The following DNAAF11 variants were observed in gnomAD, a reference collection of about 807,000 sequenced individuals.
The protein encoded by DNAAF11 is dynein axonemal assembly factor 11.
DNAAF11 carries 45 observed loss-of-function variants against 60.8 expected under a neutral mutation model. The ratio of observed to expected loss-of-function variants is 0.74; its 90% CI spans 0.58 to 0.95. The LOEUF (loss-of-function observed/expected upper bound fraction) is 0.95. Among genes scored for constraint, DNAAF11 ranks in the 40% least tolerant of loss-of-function variants. DNAAF11 has a pLI of 0.00. For missense variants in DNAAF11, 546 were observed against 546.2 expected, an observed-to-expected ratio of 1.00 and a Z score of 0.00; for synonymous variants, 191 against 183.5, an observed-to-expected ratio of 1.04 and a Z score of -0.33.
chr8:132,680,449 G>A (rs1307915844), upstream of DNAAF11, among the ~76,000 whole-genome samples: 1 of 151,734 alleles, frequency 6.6e-6, no homozygotes, highest in Non-Finnish European at 1.5e-5. Context: ...TAAATTCTAG[G>A]GACATTTGCC....
chr8:132,674,344 C>G (rs758872164), intron 1 of DNAAF11, among the ~76,000 whole-genome samples: 1 of 151,782 alleles, frequency 6.6e-6, no homozygotes, highest in Non-Finnish European at 1.5e-5. Flanking sequence ...ACAAATCACT[C>G]CCCCCCGACC....
chr8:132,692,768 G>C, the DNAAF11 span, among the ~76,000 whole-genome samples: 1 of 152,088 alleles, frequency 6.6e-6, no homozygotes, highest in African/African-American at 2.4e-5. Context: ...CCTCCACCTT[G>C]CCAAGGGCAA....
chr8:132,690,255 C>T, the DNAAF11 span, among the ~76,000 whole-genome samples: 3 of 152,010 alleles, frequency 2.0e-5, no homozygotes, highest in Admixed American at 6.6e-5. Context: ...CCCCACATGT[C>T]GAGGAAGGGA....
At chr8:132,608,432 T>C in intron 10 of DNAAF11, 1 of 434,774 alleles carries the variant, frequency 2.3e-6, no homozygotes, top group South Asian at 1.7e-5. Flanking sequence ...CATTTATTAT[T>C]ATTTTCATGT....
the DNAAF11 span, among the ~76,000 whole-genome samples, chr8:132,687,169 CT>C: frequency 6.6e-6 from 1 of 152,058 alleles, no homozygotes; most frequent in Admixed American, 6.6e-5. Context: ...GAAGGGAAAG[CT>C]AATAAAAATT....
intron 10 of DNAAF11, among the ~76,000 whole-genome samples, chr8:132,595,223 C>T (rs1816865311): frequency 6.6e-6 from 1 of 152,088 alleles, no homozygotes; most frequent in Admixed American, 6.6e-5. Flanking sequence ...AAAAGTCCTG[C>T]CGGTGGGAAC....
chr8:132,601,765 C>T (rs1198218732), intron 10 of DNAAF11, among the ~76,000 whole-genome samples: 1 of 152,022 alleles, frequency 6.6e-6, no homozygotes, highest in Non-Finnish European at 1.5e-5. Flanking sequence ...CATACCGGGG[C>T]CTGTCATGGG....
intron 1 of DNAAF11, among the ~76,000 whole-genome samples, chr8:132,663,713 G>A (rs1824350889): frequency 6.6e-6 from 1 of 152,180 alleles, no homozygotes; most frequent in Non-Finnish European, 1.5e-5. Context: ...TTCCTCTCTA[G>A]ACCATGGCCC....
chr8:132,638,714 G>A (rs946683046), intron 3 of DNAAF11, among the ~76,000 whole-genome samples: 7 of 152,116 alleles, frequency 4.6e-5, no homozygotes, highest in Admixed American at 3.9e-4. Context: ...ATGTTCAAAG[G>A]AATAATAGAA....
the DNAAF11 span, among the ~76,000 whole-genome samples, chr8:132,702,557 G>A: frequency 1.8e-5 from 2 of 112,928 alleles, no homozygotes; most frequent in Non-Finnish European, 3.4e-5. Context: ...TACTACTACT[G>A]TCACCACTAC....
At chr8:132,573,432 T>G (rs1814425458) in intron 11 of DNAAF11, among the ~76,000 whole-genome samples, 1 of 152,192 alleles carries the variant, frequency 6.6e-6, no homozygotes, top group Non-Finnish European at 1.5e-5. Flanking sequence ...AACACAGAAT[T>G]AATGACACTC....
intron 2 of DNAAF11, among the ~76,000 whole-genome samples, chr8:132,660,017 G>A (rs1442663445): frequency 6.6e-6 from 1 of 152,184 alleles, no homozygotes; most frequent in Non-Finnish European, 1.5e-5. Flanking sequence ...ATATGATCCT[G>A]CAAGCTGACC....
chr8:132,642,256 T>C (rs1821929894), intron 3 of DNAAF11, among the ~76,000 whole-genome samples: 1 of 152,272 alleles, frequency 6.6e-6, no homozygotes, highest in African/African-American at 2.4e-5. Context: ...CCATACACAT[T>C]ATTTTATTCA....
At chr8:132,654,971 G>A (rs1823400786) in intron 3 of DNAAF11, among the ~76,000 whole-genome samples, 1 of 151,680 alleles carries the variant, frequency 6.6e-6, no homozygotes, top group South Asian at 2.1e-4. Flanking sequence ...AAAATCAAAA[G>A]TTGGTTCTTT....
At chr8:132,587,986 G>T (rs372160649) in intron 10 of DNAAF11, among the ~76,000 whole-genome samples, 1 of 152,184 alleles carries the variant, frequency 6.6e-6, no homozygotes, top group Admixed American at 6.5e-5. Context: ...GCATTGAGAC[G>T]ATCTATATCA....
At chr8:132,622,850 T>C (rs1819896914) in intron 6 of DNAAF11, 162 bp from the exon 7 acceptor site, 1 of 586,664 alleles carries the variant, frequency 1.7e-6, no homozygotes, top group African/African-American at 1.9e-5. Flanking sequence ...TCCATTCCTT[T>C]AATTCTATGC....
chr8:132,695,041 C>A, the DNAAF11 span, among the ~76,000 whole-genome samples: 48,995 of 152,052 alleles, frequency 0.32, 8,040 homozygotes, highest in East Asian at 0.38. Flanking sequence ...GTCAAGTCAA[C>A]ATGTGGACTA....
upstream of DNAAF11, among the ~76,000 whole-genome samples, chr8:132,677,218 T>A (rs563471324): frequency 8.5e-4 from 129 of 152,170 alleles, no homozygotes; most frequent in African/African-American, 3.1e-3. Context: ...TCGCCTGTGC[T>A]TGAATTGTGC....
rs146805542 is a variant in DNAAF11 at position 132,582,641 on chromosome 8, A to G, written c.1226+1053T>C. ...CCCATTTTTCGGTAGGAATTCAATTACATACCTGTTGTTCAAACAAACCCC... is the reference window on the plus strand; with the variant it reads ...CCCATTTTTCGGTAGGAATTCAATTGCATACCTGTTGTTCAAACAAACCCC... On this transcript the variant is annotated intron_variant, in intron 11 of 11. Transcript: ENST00000620350. 4.0e-3 allele frequency among the ~76,000 whole-genome samples: 604 copies of G among 152,374 alleles called. 11 individuals carry two copies. The highest frequency in any genetic ancestry group is 0.014 in the African/African-American group (583 of 41,594).
Sources: allele counts gnomAD v4.1 joint callset (sites outside exome capture counted in the v4.1 genomes callset), GRCh38; gene constraint gnomAD v4.1.1; transcripts MANE v1.5; gene names NCBI Gene and HGNC (gene_info 2026-07-23, HGNC 2026-07-21).